Variants in USP35 observed in about 807,000 individuals in gnomAD.
USP35 encodes ubiquitin carboxyl-terminal hydrolase 35.
A neutral mutation model predicts 83.8 loss-of-function variants in USP35; 69 were observed. That is an observed-to-expected ratio of 0.82 (90% confidence interval 0.68 to 1.01). The LOEUF is 1.01. Ranked by LOEUF, USP35 falls within the 50% of genes least tolerant of loss-of-function variation. The pLI is 0.00. For missense variants in USP35, 1,503 were observed against 1,362.5 expected (o/e 1.10, Z -1.62); for synonymous variants, 714 against 589.5 (o/e 1.21, Z -3.06).
At chr11:78,221,270 C>T in the USP35 span, among the ~76,000 whole-genome samples, 2 of 152,234 alleles carry the variant, frequency 1.3e-5, no homozygotes, top group African/African-American at 2.4e-5. Flanking sequence ...GAAATATCCT[C>T]CTCTGCCTGT....
At chr11:78,229,492 T>C in the USP35 span, among the ~76,000 whole-genome samples, 1 of 152,200 alleles carries the variant, frequency 6.6e-6, no homozygotes, top group African/African-American at 2.4e-5. Context: ...ACTCATCATC[T>C]TCCTCTGGAA....
Position 78,210,146 on chromosome 11 carries a change from T to TGGTTAACTACTTCCTGTCCCC in USP35, c.2292_2312dup (p.Val765_Pro771dup). On this transcript the variant is annotated inframe_insertion, in exon 10 of 11. Transcript: ENST00000529308. ...GAGGGCTCCCGCTCCGTCCTGGACC[T>TGGTTAACTACTTCCTGTCCCC]GGTTAACTACTTCCTGTCCCCCGAG... 6.2e-7 allele frequency: 1 copy of TGGTTAACTACTTCCTGTCCCC among 1,613,560 alleles called. No homozygotes were observed. Among genetic ancestry groups the TGGTTAACTACTTCCTGTCCCC allele is most frequent in the Non-Finnish European group, 8.5e-7 (1 of 1,179,776 alleles).
chr11:78,200,782 T>C lies in USP35; in HGVS notation c.1171T>C (p.Tyr391His), dbSNP rs1042895657. 8 of 1,612,364 alleles carry C rather than the reference T, an allele frequency of 5.0e-6. No individual in the cohort carries two copies. Among genetic ancestry groups the C allele is most frequent in the Middle Eastern group, 1.6e-4 (1 of 6,076 alleles). Residue 391 changes from tyrosine to histidine, a missense_variant, in exon 6 of 11, where the codon TAT (tyrosine) becomes CAT (histidine). Transcript: ENST00000529308. Reference sequence around the variant, plus strand: ...CCGGTTCCCGGGCTTCCCGGATCTGTATGAGCCTGTCATGGAGGCCATCAA... The same window carrying C: ...CCGGTTCCCGGGCTTCCCGGATCTGCATGAGCCTGTCATGGAGGCCATCAA... ...VFRFPGFPDL[Y>H]EPVMEAIKDL... is the part of the protein sequence containing the mutation.
At chr11:78,216,737 T>C (rs990151471), downstream of USP35, 1 of 152,288 alleles carries the variant, frequency 6.6e-6, no homozygotes, top group Non-Finnish European at 1.5e-5. Flanking sequence ...CACATGTTTA[T>C]GGGAGGCTGC....
chr11:78,223,406 A>AC, the USP35 span: 1 of 1,519,118 alleles, frequency 6.6e-7, no homozygotes. Context: ...GAAAGAATGG[A>AC]CTTACCTTTC....
chr11:78,233,542 T>C, the USP35 span, among the ~76,000 whole-genome samples: 1 of 152,232 alleles, frequency 6.6e-6, no homozygotes, highest in Non-Finnish European at 1.5e-5. Context: ...AGAAGTTCTT[T>C]ATATGGACCA....
the USP35 span, among the ~76,000 whole-genome samples, chr11:78,230,305 C>T: frequency 1.3e-5 from 2 of 152,238 alleles, no homozygotes; most frequent in Non-Finnish European, 2.9e-5. Flanking sequence ...GCTCACAGAA[C>T]TACTCACTCA....
At chr11:78,230,384 G>A in the USP35 span, among the ~76,000 whole-genome samples, 3 of 152,288 alleles carry the variant, frequency 2.0e-5, no homozygotes, top group South Asian at 4.1e-4. Flanking sequence ...CCTGTGGAAC[G>A]CTTCCTTGAT....
intron 3 of USP35, 31 bp downstream of exon 3, chr11:78,198,099 G>A: frequency 6.2e-7 from 1 of 1,613,150 alleles, no homozygotes; most frequent in South Asian, 1.1e-5. Flanking sequence ...CATGATCAGG[G>A]CTGGGGCCCC....
At chr11:78,199,796 G>A in intron 4 of USP35, 72 bp downstream of exon 4, 2 of 1,607,340 alleles carry the variant, frequency 1.2e-6, no homozygotes, top group Non-Finnish European at 1.7e-6. Context: ...GTGCAGGTCT[G>A]GGAGGTCAGA....
chr11:78,199,795 T>C, intron 4 of USP35, 71 bp downstream of exon 4: 1 of 1,607,944 alleles, frequency 6.2e-7, no homozygotes, highest in Non-Finnish European at 8.5e-7. Flanking sequence ...GGTGCAGGTC[T>C]GGGAGGTCAG....
rs1348569701 is a variant in USP35 at position 78,196,204 on chromosome 11, C to T, written c.-10-32C>T. 4 of 1,551,388 alleles carry T rather than the reference C, an allele frequency of 2.6e-6. No homozygotes were observed. Among genetic ancestry groups the T allele is most frequent in the Non-Finnish European group, 2.6e-6 (3 of 1,158,688 alleles). ...GGGAACTCTTGAGCCCCGCGGTTGT[C>T]GGGCTGTGACCTCATTCCCTGTCCT... On this transcript the variant is annotated intron_variant, in intron 1 of 10. Transcript: ENST00000529308. The surrounding 1 kb of genome is among the most constrained non-coding windows in gnomAD (Gnocchi z 4.8).
chr11:78,235,594 T>C, the USP35 span, among the ~76,000 whole-genome samples: 1 of 152,346 alleles, frequency 6.6e-6, no homozygotes, highest in East Asian at 1.9e-4. Flanking sequence ...TTCCGCCAGA[T>C]ACCCTAAATC....
chr11:78,197,996 T>C lies in USP35; in HGVS notation c.734T>C (p.Met245Thr). ...GTCCAGCACCTCCCATTGGAGCTCA[T>C]GGATGGTGTTGTCCGGAACCTCAGC... is the stretch of plus-strand genomic sequence containing the variant. Reference protein sequence around the residue: ...SVVQHLPLELMDGVVRNLSND... With the variant: ...SVVQHLPLELTDGVVRNLSND... The change falls in exon 3 of 11, where the codon ATG (methionine) becomes ACG (threonine). Residue 245 changes from methionine to threonine, a missense_variant. Coordinates refer to ENST00000529308, the MANE Select transcript of USP35 (RefSeq NM_020798.4). 3.1e-6 allele frequency: 5 copies of C among 1,614,232 alleles called. No homozygotes were observed. Among genetic ancestry groups the C allele is most frequent in the Non-Finnish European group, 4.2e-6 (5 of 1,180,024 alleles).
the USP35 span, among the ~76,000 whole-genome samples, chr11:78,229,569 C>T: frequency 3.9e-5 from 6 of 152,320 alleles, no homozygotes; most frequent in South Asian, 8.3e-4. Flanking sequence ...ACCTGGGAGT[C>T]ACCCACATTA....
downstream of USP35, chr11:78,216,055 A>G (rs2511162): frequency 0.31 from 46,681 of 152,536 alleles, 9,057 homozygotes; most frequent in African/African-American, 0.55. Flanking sequence ...TGCCCACCCC[A>G]ATCCCCCAGA....
Position 78,205,794 on chromosome 11 carries a change from C to G in USP35, c.1198-48C>G, listed in dbSNP as rs199711833. 2,711 of 1,560,884 alleles carry G rather than the reference C, an allele frequency of 1.7e-3. 5 individuals carry two copies. The highest frequency in any genetic ancestry group is 2.1e-3 in the Non-Finnish European group (2,407 of 1,150,312). On this transcript the variant is annotated intron_variant, in intron 6 of 10. Transcript: ENST00000529308. ...CCAGAAGAGGTGGTAGTTTTTTGAG[C>G]TGACCCTGGTGCCCACCATCCTGCC...
chr11:78,212,960 C>T (rs1863851157), intron 10 of USP35, among the ~76,000 whole-genome samples: 1 of 152,102 alleles, frequency 6.6e-6, no homozygotes, highest in Admixed American at 6.5e-5. Flanking sequence ...TGTGTGACTC[C>T]CTAGAGTCAA....
At chr11:78,192,543 A>G (rs1280338198) in intron 1 of USP35, among the ~76,000 whole-genome samples, 1 of 152,166 alleles carries the variant, frequency 6.6e-6, no homozygotes, top group Non-Finnish European at 1.5e-5. Context: ...GCTGGTGACC[A>G]TGGTGACAGC....
Sources: gnomAD v4.1 joint callset for allele counts (sites outside exome capture counted in the v4.1 genomes callset) on GRCh38, gnomAD v4.1.1 for gene constraint, Gnocchi (gnomAD v3.1) non-coding constraint, MANE v1.5 for transcripts, NCBI Gene and HGNC (gene_info 2026-07-23, HGNC 2026-07-21) for gene names.